The following PARP4 variants were observed in gnomAD, a reference collection of about 807,000 sequenced individuals.
PARP4 encodes poly(ADP-ribose) polymerase family member 4.
PARP4 carries 120 observed loss-of-function variants against 187.7 expected under a neutral mutation model. That is an observed-to-expected ratio of 0.64 (90% CI 0.55 to 0.74). The LOEUF (loss-of-function observed/expected upper bound fraction) is 0.74. Ranked by LOEUF, PARP4 falls within the 30% of genes least tolerant of loss-of-function variation. The pLI, the probability that PARP4 is intolerant of heterozygous loss-of-function variation, is 0.00. For missense variants in PARP4, 1,836 were observed against 2,070.5 expected (o/e 0.89, Z 2.20); for synonymous variants, 654 against 740.9 (o/e 0.88, Z 1.90).
At chr13:24,449,907 T>C in intron 24 of PARP4, 90 bp from the exon 25 acceptor site, 1 of 717,134 alleles carries the variant, frequency 1.4e-6, no homozygotes, top group Non-Finnish European at 2.5e-6. Flanking sequence ...CACAACTCAA[T>C]AGGAGAGACA....
chr13:24,508,184 C>CAAA (rs67281877), intron 1 of PARP4, among the ~76,000 whole-genome samples: 7 of 151,068 alleles, frequency 4.6e-5, no homozygotes, highest in Admixed American at 2.6e-4. Context: ...AAACAACACA[C>CAAA]AAAAAAAAAC....
intron 17 of PARP4, among the ~76,000 whole-genome samples, chr13:24,467,937 C>T (rs142400754): frequency 1.3e-5 from 2 of 152,296 alleles, no homozygotes; most frequent in Non-Finnish European, 2.9e-5. Flanking sequence ...TCAATAATCA[C>T]CTCTTCATTA....
Position 24,486,239 on chromosome 13 carries a change from C to A in PARP4, c.1281G>T (p.Leu427Phe), listed in dbSNP as rs189513905. ...VGRVNETTEF[L>F]SKLGNVRPLL... The stretch of plus-strand genomic sequence containing the variant: ...AGGGCCTCACATTACCAAGTTTGCT[C>A]AAAAACTCTGTGGTTTCATTCACTC... The change falls in exon 11 of 34, where the codon TTG becomes TTT. Residue 427 changes from leucine to phenylalanine, a missense_variant. Around this residue, in one of 8 missense-constraint regions of PARP4, gnomAD observed 1,147 missense variants for 1,214.2 expected, o/e 0.94. Transcript: ENST00000381989. 1.9e-4 allele frequency: 309 copies of A among 1,613,042 alleles called. 1 individual carries two copies. In the East Asian group the frequency reaches 6.9e-3, roughly 36 times the overall value.
rs568155749 is a variant in PARP4, at chr13:24,477,516, G to T, written c.1789+185C>A. The stretch of plus-strand genomic sequence containing the variant: ...GTGCTTTATTTTGATACTAGGCAGA[G>T]GGGTTTGACTGATGTTAACACTGAG... On this transcript the variant is annotated intron_variant, in intron 14 of 33. Transcript: ENST00000381989. 8.7e-4 allele frequency among the ~76,000 whole-genome samples: 133 copies of T among 152,218 alleles called. 1 individual carries two copies. Among genetic ancestry groups the T allele is most frequent in the Admixed American group, 1.9e-3 (29 of 15,290 alleles).
At chr13:24,489,113 A>C (rs964476086) in intron 10 of PARP4, among the ~76,000 whole-genome samples, 6 of 152,184 alleles carry the variant, frequency 3.9e-5, no homozygotes, top group African/African-American at 1.4e-4. Context: ...ATGAATATTC[A>C]TGTACAAGTA....
At chr13:24,445,511 A>C (rs1267754563) in intron 27 of PARP4, among the ~76,000 whole-genome samples, 2 of 152,106 alleles carry the variant, frequency 1.3e-5, no homozygotes, top group Admixed American at 6.5e-5. Flanking sequence ...CCCCACCTAA[A>C]GGGGTTCAGG....
chr13:24,456,107 A>C (rs1217042189), intron 21 of PARP4, among the ~76,000 whole-genome samples: 2 of 152,194 alleles, frequency 1.3e-5, no homozygotes, highest in East Asian at 3.9e-4. Context: ...GTGGAGCTTA[A>C]GGTAAAAATG....
intron 33 of PARP4, among the ~76,000 whole-genome samples, chr13:24,424,915 C>T (rs1869945908): frequency 2.0e-5 from 3 of 151,672 alleles, no homozygotes; most frequent in African/African-American, 7.3e-5. Flanking sequence ...GATCTCCCAA[C>T]CTCGTGATCT....
Position 24,477,779 on chromosome 13 carries a change from T to G in PARP4, c.1711A>C (p.Ile571Leu). 1.9e-6 allele frequency: 3 copies of G among 1,574,288 alleles called. No homozygotes were observed. Among genetic ancestry groups the G allele is most frequent in the Non-Finnish European group, 2.6e-6 (3 of 1,150,102 alleles). Residue 571 changes from isoleucine (I) to leucine (L), a missense_variant, in exon 14 of 34, where the codon ATA (isoleucine) becomes CTA (leucine). Physicochemically the swap from Ile to Leu is conservative, Grantham distance 5. Around this residue, in one of 8 missense-constraint regions of PARP4, gnomAD observed 1,147 missense variants for 1,214.2 expected, o/e 0.94. Coordinates refer to ENST00000381989, the MANE Select transcript of PARP4 (RefSeq NM_006437.4). The stretch of plus-strand genomic sequence containing the variant: ...TGATCACTAGGATGAAAGTCCTTTA[T>G]CTGATCTCCAGGCATGGAAAATTTA... Reference protein sequence around the residue: ...IIKFSMPGDQIKDFHPSDHTE... With the variant: ...IIKFSMPGDQLKDFHPSDHTE...
At chr13:24,489,557 C>T (rs1482761542) in intron 10 of PARP4, among the ~76,000 whole-genome samples, 3 of 151,962 alleles carry the variant, frequency 2.0e-5, no homozygotes, top group Admixed American at 6.6e-5. Flanking sequence ...TGCAGTGAGC[C>T]GAGATCGCGT....
intron 15 of PARP4, among the ~76,000 whole-genome samples, chr13:24,472,344 G>T (rs4238178): frequency 0.51 from 77,314 of 151,924 alleles, 19,990 homozygotes; most frequent in South Asian, 0.65. Context: ...AGTCTATGAC[G>T]TTGCTCTGAG....
intron 31 of PARP4, among the ~76,000 whole-genome samples, chr13:24,432,438 G>A (rs935601535): frequency 8.5e-5 from 13 of 152,122 alleles, no homozygotes; most frequent in African/African-American, 3.1e-4. Context: ...TGATGTGTTT[G>A]GAGTTAAATA....
intron 8 of PARP4, among the ~76,000 whole-genome samples, 181 bp downstream of exon 8, chr13:24,493,415 C>A (rs1300056930): frequency 2.0e-5 from 3 of 152,238 alleles, no homozygotes. Flanking sequence ...CTAGTTTTCT[C>A]AGAAGCTTTT....
chr13:24,504,548 C>G (rs1869505273), intron 1 of PARP4, among the ~76,000 whole-genome samples: 1 of 151,922 alleles, frequency 6.6e-6, no homozygotes, highest in Admixed American at 6.6e-5. Flanking sequence ...CCCAGCCTCC[C>G]AAAGTGCTGT....
intron 13 of PARP4, 41 bp from the exon 14 acceptor site, chr13:24,477,898 C>A: frequency 1.4e-6 from 2 of 1,434,204 alleles, no homozygotes; most frequent in Non-Finnish European, 1.9e-6. Flanking sequence ...ACAACAGAAG[C>A]AACAAAAAAC....
intron 20 of PARP4, 37 bp downstream of exon 20, chr13:24,459,007 A>T: frequency 7.2e-7 from 1 of 1,395,330 alleles, no homozygotes; most frequent in Non-Finnish European, 1.0e-6. Context: ...AAGTAGTGTT[A>T]AAATAACAGC....
chr13:24,459,737 T>C (rs1314701190), intron 18 of PARP4, among the ~76,000 whole-genome samples: 1 of 151,360 alleles, frequency 6.6e-6, no homozygotes, highest in Non-Finnish European at 1.5e-5. Flanking sequence ...ACTACAGATA[T>C]AACATTTTTT....
chr13:24,508,053 G>A (rs2137555570), intron 1 of PARP4, among the ~76,000 whole-genome samples: 1 of 152,284 alleles, frequency 6.6e-6, no homozygotes, highest in South Asian at 2.1e-4. Flanking sequence ...TTTGTTGACT[G>A]CCTCTCACAT....
chr13:24,431,502 AGTTAT>A (rs758671857), intron 31 of PARP4, 26 bp from the exon 32 acceptor site: 1 of 1,413,314 alleles, frequency 7.1e-7, no homozygotes, highest in Non-Finnish European at 9.9e-7. Context: ...AACAAAAATA[AGTTAT>A]GTTATTCACA....
Sources: gnomAD v4.1 joint callset for allele counts (sites outside exome capture counted in the v4.1 genomes callset) on GRCh38, gnomAD v4.1.1 for gene constraint, gnomAD v4.1.1 regional missense constraint, MANE v1.5 for transcripts, NCBI Gene and HGNC (gene_info 2026-07-23, HGNC 2026-07-21) for gene names.